Variants in PREP observed in about 807,000 individuals in gnomAD.
PREP encodes prolyl endopeptidase, also known as dJ355L5.1 (prolyl endopeptidase).
PREP carries 29 observed loss-of-function variants against 87.6 expected under a neutral mutation model. The observed-to-expected ratio is 0.33, with a 90% confidence interval of 0.25 to 0.45. The LOEUF (loss-of-function observed/expected upper bound fraction) is 0.45, where lower values mean the gene tolerates loss of function less well. Ranked by LOEUF, PREP falls within the 20% of genes least tolerant of loss-of-function variation. PREP has a pLI of 1.00. For missense variants in PREP, 695 were observed against 886.5 expected (o/e 0.78, Z 2.74); for synonymous variants, 337 against 328.6 (o/e 1.03, Z -0.28).
chr6:105,397,373 T>A (rs2114737648), intron 2 of PREP, among the ~76,000 whole-genome samples: 1 of 152,242 alleles, frequency 6.6e-6, no homozygotes, highest in South Asian at 2.1e-4. Flanking sequence ...TGCTCCCCCC[T>A]GCCCCTTCAC....
At chr6:105,348,071 T>G (rs1771844876) in intron 7 of PREP, among the ~76,000 whole-genome samples, 1 of 152,180 alleles carries the variant, frequency 6.6e-6, no homozygotes, top group Admixed American at 6.5e-5. Flanking sequence ...CAGCTGTCTT[T>G]TCTACTCCAG....
chr6:105,330,946 T>G (rs1771312982), intron 8 of PREP, among the ~76,000 whole-genome samples: 1 of 152,236 alleles, frequency 6.6e-6, no homozygotes, highest in African/African-American at 2.4e-5. Flanking sequence ...ATATTTCATG[T>G]GGCTTAATGT....
At chr6:105,369,099 T>C in intron 5 of PREP, 75 bp from the exon 6 acceptor site, 1 of 1,490,292 alleles carries the variant, frequency 6.7e-7, no homozygotes, top group South Asian at 1.2e-5. Context: ...TATTGCAGAA[T>C]GCTAGACACA....
At chr6:105,324,922 G>C (rs1192985558) in intron 9 of PREP, among the ~76,000 whole-genome samples, 1 of 152,182 alleles carries the variant, frequency 6.6e-6, no homozygotes, top group Admixed American at 6.5e-5. Context: ...CAGGGTATAC[G>C]ATTAACGCTG....
chr6:105,361,042 CT>C (rs1772235850), intron 6 of PREP, among the ~76,000 whole-genome samples: 2 of 152,090 alleles, frequency 1.3e-5, no homozygotes, highest in South Asian at 4.1e-4. Context: ...ATGGAATTCT[CT>C]GGAAAATGGG....
At chr6:105,393,507 T>C (rs1298415256) in intron 2 of PREP, among the ~76,000 whole-genome samples, 1 of 152,196 alleles carries the variant, frequency 6.6e-6, no homozygotes, top group Non-Finnish European at 1.5e-5. Context: ...CACAATTCAG[T>C]TGATTCTCTG....
At chr6:105,283,060 G>A (rs764271663) in intron 12 of PREP, among the ~76,000 whole-genome samples, 2 of 152,252 alleles carry the variant, frequency 1.3e-5, no homozygotes, top group Non-Finnish European at 2.9e-5. Flanking sequence ...GAAGCGCTCT[G>A]CAGAGGCACG....
At chr6:105,317,773 A>G (rs1298120854) in intron 10 of PREP, among the ~76,000 whole-genome samples, 1 of 152,142 alleles carries the variant, frequency 6.6e-6, no homozygotes. Flanking sequence ...TAGCTTACAC[A>G]GCTTCCTCAC....
chr6:105,341,059 C>T (rs1243497513), intron 7 of PREP, among the ~76,000 whole-genome samples: 31 of 152,214 alleles, frequency 2.0e-4, no homozygotes, highest in Admixed American at 2.0e-3. Flanking sequence ...ATCTACAGAA[C>T]TCTCCACCCC....
At chr6:105,363,228 A>G (rs996383270) in intron 6 of PREP, among the ~76,000 whole-genome samples, 8 of 152,318 alleles carry the variant, frequency 5.3e-5, no homozygotes, top group African/African-American at 1.9e-4. Context: ...ATCACAAAGA[A>G]GCTGGGCATT....
At chr6:105,401,844 C>T (rs1298596984) in intron 1 of PREP, among the ~76,000 whole-genome samples, 1 of 152,216 alleles carries the variant, frequency 6.6e-6, no homozygotes, top group Non-Finnish European at 1.5e-5. Flanking sequence ...AAAGTAAACA[C>T]TTTCTGGCAT....
At chr6:105,290,091 G>A (rs182584549) in intron 10 of PREP, among the ~76,000 whole-genome samples, 2 of 152,290 alleles carry the variant, frequency 1.3e-5, no homozygotes, top group Admixed American at 6.5e-5. Flanking sequence ...ACTCTGCAGA[G>A]AAATACTGAG....
chr6:105,294,548 G>A (rs1326394721), intron 10 of PREP, among the ~76,000 whole-genome samples: 1 of 152,058 alleles, frequency 6.6e-6, no homozygotes, highest in Non-Finnish European at 1.5e-5. Flanking sequence ...TACCCTAGCC[G>A]CTGGTTCCCT....
At chr6:105,375,605 G>A (rs538400126) in intron 4 of PREP, among the ~76,000 whole-genome samples, 14 of 152,296 alleles carry the variant, frequency 9.2e-5, no homozygotes, top group African/African-American at 3.1e-4. Flanking sequence ...AGGATACCCA[G>A]CTGTTCAATT....
chr6:105,343,936 G>C (rs1468148574), intron 7 of PREP, among the ~76,000 whole-genome samples: 1 of 152,184 alleles, frequency 6.6e-6, no homozygotes, highest in Non-Finnish European at 1.5e-5. Flanking sequence ...CTGTAAACTA[G>C]TTCAACCATT....
intron 2 of PREP, 54 bp downstream of exon 2, chr6:105,397,799 G>C: frequency 7.5e-7 from 1 of 1,335,464 alleles, no homozygotes; most frequent in Non-Finnish European, 1.1e-6. Context: ...CTGACATTTA[G>C]AGTTTGGTGC....
chr6:105,288,115 T>G (rs1395805493), intron 11 of PREP, among the ~76,000 whole-genome samples: 2 of 152,208 alleles, frequency 1.3e-5, no homozygotes, highest in Non-Finnish European at 2.9e-5. Context: ...GGTAGTGCGG[T>G]GGCAGCAAAT....
intron 2 of PREP, among the ~76,000 whole-genome samples, chr6:105,380,439 G>A (rs1251442417): frequency 1.3e-5 from 2 of 152,162 alleles, no homozygotes; most frequent in Non-Finnish European, 2.9e-5. Context: ...ATTGGGTAAG[G>A]AGATTTACTT....
chr6:105,333,994 G>T (rs1183992458), intron 7 of PREP, among the ~76,000 whole-genome samples: 1 of 152,196 alleles, frequency 6.6e-6, no homozygotes, highest in African/African-American at 2.4e-5. Flanking sequence ...GTAGAGACCA[G>T]AGATGCTGCA....
Sources: allele counts gnomAD v4.1 joint callset (sites outside exome capture counted in the v4.1 genomes callset), GRCh38; gene constraint gnomAD v4.1.1; transcripts MANE v1.5; gene names NCBI Gene and HGNC (gene_info 2026-07-23, HGNC 2026-07-21).